Variants in RAPGEF6 observed in about 807,000 individuals in gnomAD.
RAPGEF6 encodes PDZ domain containing guanine nucleotide exchange factor (GEF) 2.
In RAPGEF6, 56 loss-of-function variants were observed where a neutral mutation model predicts 171.4. The observed-to-expected ratio is 0.33, with a 90% CI of 0.26 to 0.41. RAPGEF6 has a LOEUF of 0.41. RAPGEF6 is among the 10% of genes least tolerant of loss of function. The probability of loss-of-function intolerance (pLI) is 1.00; values close to 1 mark genes in which losing one functional copy is unlikely to be tolerated. For missense variants in RAPGEF6, 1,674 were observed against 1,921.4 expected (o/e 0.87, Z 2.41); for synonymous variants, 692 against 650.1 (o/e 1.06, Z -0.98).
chr5:131,534,151 T>A (rs1183546931), intron 6 of RAPGEF6, among the ~76,000 whole-genome samples: 1 of 152,114 alleles, frequency 6.6e-6, no homozygotes, highest in Non-Finnish European at 1.5e-5. Context: ...AACACTTTTA[T>A]TTTGGGGAAA....
intron 26 of RAPGEF6, 144 bp from the exon 27 acceptor site, chr5:131,429,360 A>AT: frequency 2.7e-6 from 2 of 729,444 alleles, no homozygotes; most frequent in South Asian, 2.2e-5. Flanking sequence ...GATCAAAAAC[A>AT]TTTTTTAAAA....
At position 131,450,172 on chromosome 5, in the gene RAPGEF6, A is replaced by G. The variant is rs756090976; in HGVS notation, c.3200+2882T>C. 5.4e-4 allele frequency: 556 copies of G among 1,036,638 alleles called. 6 individuals are homozygous for G. The highest frequency in any genetic ancestry group is 2.8e-4 in the Admixed American group (13 of 46,978). The allele number at this position is 1,036,638 out of a possible 1,614,324, so 64.2% of individuals were successfully genotyped here. A position where few individuals can be genotyped will look rare whatever the true frequency, so the allele number is the denominator to read the frequency against. ...AACAGAAACATTTTATCAGGAAAAAATTACAGCTTAACAGTAAAATGACTT... is the reference window on the plus strand; with the variant it reads ...AACAGAAACATTTTATCAGGAAAAAGTTACAGCTTAACAGTAAAATGACTT... On this transcript the variant is annotated intron_variant, in intron 21 of 27. Transcript: ENST00000509018.
intron 6 of RAPGEF6, among the ~76,000 whole-genome samples, chr5:131,540,890 G>A (rs1377771094): frequency 2.6e-5 from 4 of 152,168 alleles, no homozygotes; most frequent in Admixed American, 2.0e-4. Flanking sequence ...CAGGCTGGGC[G>A]TGGTGGCTTA....
intron 4 of RAPGEF6, among the ~76,000 whole-genome samples, chr5:131,563,100 C>T (rs1021392234): frequency 6.6e-6 from 1 of 151,112 alleles, no homozygotes; most frequent in African/African-American, 2.4e-5. Context: ...TACTAAGACA[C>T]AAATGACTTA....
chr5:131,432,414 C>T (rs1009778499), intron 25 of RAPGEF6, among the ~76,000 whole-genome samples: 1 of 151,910 alleles, frequency 6.6e-6, no homozygotes, highest in Non-Finnish European at 1.5e-5. Flanking sequence ...GTCAGGAGAT[C>T]GAGACCATCC....
intron 4 of RAPGEF6, among the ~76,000 whole-genome samples, chr5:131,565,034 AT>A (rs1405986170): frequency 6.6e-6 from 1 of 152,154 alleles, no homozygotes; most frequent in Non-Finnish European, 1.5e-5. Flanking sequence ...CGTATTTTAT[AT>A]TTTGATCATC....
chr5:131,430,733 G>T, intron 26 of RAPGEF6, 126 bp downstream of exon 26: 1 of 1,303,158 alleles, frequency 7.7e-7, no homozygotes, highest in Non-Finnish European at 1.1e-6. Flanking sequence ...TTGTTTGTTT[G>T]TGAAGGAAAG....
chr5:131,477,659 T>C lies in RAPGEF6; in HGVS notation c.2081+1854A>G, dbSNP rs557819274. Among the ~76,000 whole-genome samples, 63 of 152,330 alleles carry C rather than the reference T, an allele frequency of 4.1e-4. No individual in the cohort carries two copies. In the Middle Eastern group the frequency reaches 0.01, roughly 25 times the overall value. On this transcript the variant is annotated intron_variant, in intron 16 of 27. Transcript: ENST00000509018. ...AGATACTGATTTAGCTGCCTAAAACTTGAGTACAGCTGGTGAGAATGTGAT... is the reference window on the plus strand; with the variant it reads ...AGATACTGATTTAGCTGCCTAAAACCTGAGTACAGCTGGTGAGAATGTGAT...
chr5:131,603,188 C>A, intron 3 of RAPGEF6, 83 bp downstream of exon 3: 2 of 1,029,034 alleles, frequency 1.9e-6, no homozygotes, highest in Admixed American at 2.2e-5. Flanking sequence ...ATAAATTGTC[C>A]CAGAATCAAA....
intron 11 of RAPGEF6, among the ~76,000 whole-genome samples, chr5:131,499,494 T>C (rs1360567850): frequency 6.7e-6 from 1 of 150,044 alleles, no homozygotes; most frequent in Non-Finnish European, 1.5e-5. Flanking sequence ...GGCAGCAGAA[T>C]TGCTTGAACC....
chr5:131,439,423 A>C (rs1752236255), intron 24 of RAPGEF6, among the ~76,000 whole-genome samples, 158 bp downstream of exon 24: 1 of 152,240 alleles, frequency 6.6e-6, no homozygotes, highest in Admixed American at 6.5e-5. Flanking sequence ...TCTAAAAAGC[A>C]TCTGAATAAT....
chr5:131,488,008 T>C (rs1756036330), intron 15 of RAPGEF6, among the ~76,000 whole-genome samples: 1 of 152,158 alleles, frequency 6.6e-6, no homozygotes, highest in African/African-American at 2.4e-5. Context: ...TCTGGGTGCA[T>C]TTTCTAAATC....
chr5:131,634,448 G>GTCCCA (rs1766505365), intron 1 of RAPGEF6, among the ~76,000 whole-genome samples: 3 of 152,130 alleles, frequency 2.0e-5, no homozygotes, highest in Admixed American at 1.3e-4. Context: ...TACCTACAGT[G>GTCCCA]GTGTTCTTTA....
chr5:131,607,622 T>C (rs1764687755), intron 1 of RAPGEF6, among the ~76,000 whole-genome samples: 2 of 152,192 alleles, frequency 1.3e-5, no homozygotes, highest in Non-Finnish European at 2.9e-5. Context: ...TCCTGATCTA[T>C]TTACATATAT....
intron 6 of RAPGEF6, among the ~76,000 whole-genome samples, chr5:131,540,707 C>T (rs1171024901): frequency 6.6e-6 from 1 of 152,234 alleles, no homozygotes; most frequent in African/African-American, 2.4e-5. Context: ...TTGGCTCAAT[C>T]ACATTTCTAT....
chr5:131,596,154 A>AC (rs1763888132), intron 3 of RAPGEF6, among the ~76,000 whole-genome samples: 4 of 86,780 alleles, frequency 4.6e-5, no homozygotes, highest in African/African-American at 9.5e-5. Context: ...ACTCCATCAT[A>AC]TAAAAAAAAA....
At chr5:131,514,387 G>A (rs139340267) in intron 7 of RAPGEF6, among the ~76,000 whole-genome samples, 107 of 150,512 alleles carry the variant, frequency 7.1e-4, no homozygotes, top group African/African-American at 2.5e-3. Flanking sequence ...CAGTTCCTGG[G>A]CAGAAAGTTT....
At chr5:131,440,475 C>T (rs1037787317) in intron 23 of RAPGEF6, among the ~76,000 whole-genome samples, 8 of 152,046 alleles carry the variant, frequency 5.3e-5, no homozygotes, top group Non-Finnish European at 1.2e-4. Context: ...TGGTGGCTCA[C>T]GCCTGTAATC....
intron 6 of RAPGEF6, among the ~76,000 whole-genome samples, chr5:131,536,129 T>C (rs6864173): frequency 0.78 from 118,809 of 152,122 alleles, 46,750 homozygotes; most frequent in African/African-American, 0.84. Context: ...ATAAAGAGGA[T>C]ATTCATTTCT....
Sources: gnomAD v4.1 joint callset for allele counts (sites outside exome capture counted in the v4.1 genomes callset) on GRCh38, gnomAD v4.1.1 for gene constraint, MANE v1.5 for transcripts, NCBI Gene and HGNC (gene_info 2026-07-23, HGNC 2026-07-21) for gene names.